The following DPP6 variants were observed in gnomAD, a reference collection of about 807,000 sequenced individuals.
DPP6 encodes A-type potassium channel modulatory protein DPP6.
DPP6 carries 69 observed loss-of-function variants against 122.6 expected under a neutral mutation model. The observed-to-expected ratio is 0.56, with a 90% CI of 0.46 to 0.69. DPP6 has a LOEUF of 0.69. Among genes scored for constraint, DPP6 ranks in the 30% least tolerant of loss-of-function variants. The probability of loss-of-function intolerance (pLI) is 0.00; values close to 1 mark genes in which losing one functional copy is unlikely to be tolerated. For synonymous variants in DPP6, 418 were observed against 433.1 expected (o/e 0.97, Z 0.43); for missense variants, 928 against 1,116.9 (o/e 0.83, Z 2.41).
the DPP6 span, among the ~76,000 whole-genome samples, chr7:153,823,610 G>A: frequency 2.5e-5 from 2 of 79,602 alleles, no homozygotes; most frequent in Non-Finnish European, 5.4e-5. Context: ...CAGAATATCA[G>A]GAAAGGGAAT....
At chr7:153,808,695 T>C in the DPP6 span, among the ~76,000 whole-genome samples, 1 of 152,044 alleles carries the variant, frequency 6.6e-6, no homozygotes. Context: ...TTTCACTTGG[T>C]ATAATGTTCG....
chr7:154,889,491 T>C lies in DPP6; in HGVS notation c.2412T>C (p.Ile804=). The stretch of plus-strand genomic sequence containing the variant: ...ATTTCCAGCACACAGCAGAACTCAT[T>C]ACACAACTAATTAGGGGAAAGGCTA... ...KIHFQHTAEL[I]TQLIRGKANY... Residue 804 remains isoleucine, a synonymous_variant, in exon 25 of 26, where the codon ATT becomes ATC. Transcript: ENST00000377770. 6.2e-7 allele frequency: 1 copy of C among 1,607,746 alleles called. No homozygotes were observed. The highest frequency in any genetic ancestry group is 2.2e-5 in the East Asian group (1 of 44,734).
intron 1 of DPP6, among the ~76,000 whole-genome samples, chr7:154,159,028 G>T (rs2150703527): frequency 6.6e-6 from 1 of 152,262 alleles, no homozygotes; most frequent in Admixed American, 6.5e-5. Context: ...TTCCTCCAGA[G>T]AATCAACCTC....
At chr7:154,024,436 G>GT (rs922510380) in intron 1 of DPP6, among the ~76,000 whole-genome samples, 41 of 149,882 alleles carry the variant, frequency 2.7e-4, no homozygotes, top group African/African-American at 6.6e-4. Context: ...TAGATGATCA[G>GT]TTTTTTTTTT....
intron 1 of DPP6, among the ~76,000 whole-genome samples, chr7:154,200,787 G>A (rs142038962): frequency 0.018 from 2,752 of 152,278 alleles, 96 homozygotes; most frequent in African/African-American, 0.062. Context: ...GTAGCAAAGT[G>A]TCTAACACCT....
chr7:154,633,016 T>A (rs1011573168), intron 5 of DPP6, among the ~76,000 whole-genome samples: 1 of 152,148 alleles, frequency 6.6e-6, no homozygotes, highest in African/African-American at 2.4e-5. Context: ...TTCCATCTTG[T>A]GGATAGTGTT....
At chr7:154,204,404 T>G (rs1010939765) in intron 1 of DPP6, among the ~76,000 whole-genome samples, 2 of 152,222 alleles carry the variant, frequency 1.3e-5, no homozygotes, top group Non-Finnish European at 2.9e-5. Flanking sequence ...TCAAGATCCC[T>G]GCTTATTTCC....
chr7:154,517,977 G>A (rs1401152280), intron 3 of DPP6, among the ~76,000 whole-genome samples: 2 of 152,140 alleles, frequency 1.3e-5, no homozygotes, highest in Non-Finnish European at 1.5e-5. Context: ...GCTATAAATT[G>A]AGCTGAACAT....
At chr7:154,434,924 T>G (rs1211273466) in intron 1 of DPP6, among the ~76,000 whole-genome samples, 1 of 152,154 alleles carries the variant, frequency 6.6e-6, no homozygotes, top group East Asian at 1.9e-4. Flanking sequence ...AACCTCTGCC[T>G]CCCAGGTTCT....
At chr7:153,820,766 G>A in the DPP6 span, among the ~76,000 whole-genome samples, 3 of 151,956 alleles carry the variant, frequency 2.0e-5, no homozygotes, top group South Asian at 6.2e-4. Context: ...AAATTCATTA[G>A]TAAAGTGATA....
chr7:153,910,050 C>T (rs1194033444), intron 1 of DPP6, among the ~76,000 whole-genome samples: 1 of 152,006 alleles, frequency 6.6e-6, no homozygotes, highest in African/African-American at 2.4e-5. Flanking sequence ...CTCTGGGTTT[C>T]GAGTATTCAT....
In DPP6 at chr7:154,863,293, A is replaced by G. The variant is rs965886353; in HGVS notation, c.1715-4702A>G. On this transcript the variant is annotated intron_variant, in intron 17 of 25. Transcript: ENST00000377770. This position sits in a 1 kb window ranked among gnomAD's most constrained non-coding sequence, Gnocchi z 4.1. ...GAGGGAAGGACAATATGATTTTAAG[A>G]AATGTAATATTTAGCATCTTGGCCC... Among the ~76,000 whole-genome samples the G allele has an allele frequency of 1.1e-4, 16 of 148,848 alleles. No individual in the cohort carries two copies. Among genetic ancestry groups the G allele is most frequent in the South Asian group, 2.1e-4 (1 of 4,800 alleles).
At chr7:154,247,072 G>A (rs547998990) in intron 1 of DPP6, among the ~76,000 whole-genome samples, 39 of 152,150 alleles carry the variant, frequency 2.6e-4, no homozygotes, top group Non-Finnish European at 4.4e-4. Context: ...CAGCATTTTG[G>A]GGGGCCGAGG....
chr7:153,944,546 G>A (rs923716273), intron 1 of DPP6, among the ~76,000 whole-genome samples: 2 of 152,144 alleles, frequency 1.3e-5, no homozygotes, highest in Non-Finnish European at 2.9e-5. Flanking sequence ...CTGTGACGTG[G>A]ACTGGGAGGG....
chr7:154,582,761 A>G (rs1179362078), intron 5 of DPP6, among the ~76,000 whole-genome samples: 2 of 152,182 alleles, frequency 1.3e-5, no homozygotes, highest in South Asian at 4.1e-4. Context: ...TCAAATGACT[A>G]AAGAAAGAAG....
chr7:153,945,408 C>T (rs1416374975), intron 1 of DPP6, among the ~76,000 whole-genome samples: 2 of 151,938 alleles, frequency 1.3e-5, no homozygotes, highest in Non-Finnish European at 2.9e-5. Flanking sequence ...TATCACAGAG[C>T]AGGAAGAATG....
rs181443883 is a variant in DPP6, at chr7:153,957,803, A to G, written c.51+70069A>G. Among the ~76,000 whole-genome samples the G allele has an allele frequency of 6.5e-3, 985 of 152,338 alleles. 3 individuals are homozygous for G. The highest frequency in any genetic ancestry group is 0.011 in the Non-Finnish European group (717 of 68,042). ...GTTAGTTAACTTTCTCAACAAGTTTACATGCCCTTTGGCTAATAATTGTGG... is the reference window on the plus strand; with the variant it reads ...GTTAGTTAACTTTCTCAACAAGTTTGCATGCCCTTTGGCTAATAATTGTGG... On this transcript the variant is annotated intron_variant, in intron 1 of 25. Coordinates refer to the DPP6 transcript ENST00000404039.
At chr7:153,834,289 A>AG in the DPP6 span, among the ~76,000 whole-genome samples, 1 of 150,846 alleles carries the variant, frequency 6.6e-6, no homozygotes, top group African/African-American at 2.4e-5. Context: ...AAAAAAAAAA[A>AG]GTAAGTACAT....
intron 7 of DPP6, among the ~76,000 whole-genome samples, chr7:154,714,777 A>T (rs1403956104): frequency 6.6e-6 from 1 of 152,248 alleles, no homozygotes; most frequent in African/African-American, 2.4e-5. Flanking sequence ...TTGAGTGTAT[A>T]AGCCATATTT....
Sources: gnomAD v4.1 joint callset for allele counts (sites outside exome capture counted in the v4.1 genomes callset) on GRCh38, gnomAD v4.1.1 for gene constraint, Gnocchi (gnomAD v3.1) non-coding constraint, MANE v1.5 for transcripts, NCBI Gene and HGNC (gene_info 2026-07-23, HGNC 2026-07-21) for gene names.